CDH10: variants seen among roughly 807,000 people sequenced by gnomAD.
CDH10 encodes the protein cadherin 10, also known as cadherin-10.
Under a neutral mutation model 73.1 loss-of-function variants are expected in CDH10, and 30 were observed. That is an observed-to-expected ratio of 0.41 (90% confidence interval 0.31 to 0.56). CDH10 has a LOEUF of 0.56. Ranked by LOEUF, CDH10 falls within the 20% of genes least tolerant of loss-of-function variation. The pLI is 0.27. For missense variants in CDH10, 815 were observed against 973.7 expected, an observed-to-expected ratio of 0.84 and a Z score of 2.17; for synonymous variants, 345 against 348.2, an observed-to-expected ratio of 0.99 and a Z score of 0.10.
intron 9 of CDH10, among the ~76,000 whole-genome samples, chr5:24,497,662 CT>C (rs1325916599): frequency 1.3e-5 from 2 of 151,940 alleles, no homozygotes; most frequent in South Asian, 4.2e-4. Flanking sequence ...GTGATGGTTC[CT>C]TTTTTTAAAT....
At chr5:24,511,953 G>A (rs1392598379) in intron 5 of CDH10, among the ~76,000 whole-genome samples, 1 of 152,086 alleles carries the variant, frequency 6.6e-6, no homozygotes, top group Non-Finnish European at 1.5e-5. Flanking sequence ...TGGACACAAA[G>A]AGAGGAACAA....
intron 2 of CDH10, among the ~76,000 whole-genome samples, chr5:24,571,018 G>C (rs74502716): frequency 4.9e-4 from 74 of 152,172 alleles, no homozygotes; most frequent in Admixed American, 1.4e-3. Flanking sequence ...TCTGGATAAA[G>C]TAGAGGAATG....
At chr5:24,602,432 T>C (rs1043307325) in intron 1 of CDH10, among the ~76,000 whole-genome samples, 1 of 152,064 alleles carries the variant, frequency 6.6e-6, no homozygotes, top group Non-Finnish European at 1.5e-5. Flanking sequence ...TCAAGCAGAG[T>C]GCTGCTCAGC....
intron 1 of CDH10, among the ~76,000 whole-genome samples, chr5:24,630,066 G>A (rs1464366175): frequency 6.6e-6 from 1 of 152,078 alleles, no homozygotes; most frequent in Non-Finnish European, 1.5e-5. Flanking sequence ...GAGATACTAG[G>A]CTGTGAGTTG....
At chr5:24,583,080 G>A (rs949993420) in intron 2 of CDH10, among the ~76,000 whole-genome samples, 1 of 151,376 alleles carries the variant, frequency 6.6e-6, no homozygotes, top group East Asian at 1.9e-4. Flanking sequence ...AAAACTAAAC[G>A]TCCTTTAAAA....
At chr5:24,509,394 C>G (rs1742813541) in intron 7 of CDH10, among the ~76,000 whole-genome samples, 172 bp downstream of exon 7, 1 of 151,716 alleles carries the variant, frequency 6.6e-6, no homozygotes, top group Admixed American at 6.6e-5. Context: ...CACGTGCCAC[C>G]AAGACCGGCT....
chr5:24,590,897 C>T (rs1303411000), intron 2 of CDH10, among the ~76,000 whole-genome samples: 2 of 151,876 alleles, frequency 1.3e-5, no homozygotes, highest in African/African-American at 4.8e-5. Flanking sequence ...CTAAACCAAC[C>T]CAGAGGCATT....
chr5:24,620,424 C>G (rs997070247), intron 1 of CDH10, among the ~76,000 whole-genome samples: 1 of 151,922 alleles, frequency 6.6e-6, no homozygotes, highest in South Asian at 2.1e-4. Flanking sequence ...AATGAATCAG[C>G]CTTAATGATT....
chr5:24,635,774 T>G (rs143764729), intron 1 of CDH10, among the ~76,000 whole-genome samples: 2 of 151,918 alleles, frequency 1.3e-5, no homozygotes, highest in Non-Finnish European at 2.9e-5. Flanking sequence ...CCCTTTCCAA[T>G]TACAATCATA....
intron 5 of CDH10, among the ~76,000 whole-genome samples, chr5:24,534,296 C>T (rs998104438): frequency 6.6e-5 from 10 of 151,972 alleles, no homozygotes; most frequent in African/African-American, 2.2e-4. Context: ...AGGCTGTAGT[C>T]GAATATTTTT....
rs114404707 is a variant in CDH10, at chr5:24,499,782, A to G, written c.1394-1263T>C. Among the ~76,000 whole-genome samples, 372 of 152,094 alleles carry G rather than the reference A, an allele frequency of 2.4e-3. 1 individual carries two copies. Among genetic ancestry groups the G allele is most frequent in the African/African-American group, 8.6e-3 (358 of 41,494 alleles). On this transcript the variant is annotated intron_variant, in intron 8 of 11. Coordinates refer to ENST00000264463, the MANE Select transcript of CDH10 (RefSeq NM_006727.5). ...TTATTTAGCTTAGCTTTGAGTAACA[A>G]CCCTGTATTGGTTATAATTGCATTT...
At chr5:24,516,405 A>T (rs1743109592) in intron 5 of CDH10, among the ~76,000 whole-genome samples, 1 of 152,058 alleles carries the variant, frequency 6.6e-6, no homozygotes. Flanking sequence ...AAAAATGCCC[A>T]CTAATTTTAG....
At chr5:24,641,543 T>A (rs1215445672) in intron 1 of CDH10, among the ~76,000 whole-genome samples, 3 of 152,092 alleles carry the variant, frequency 2.0e-5, no homozygotes, top group Non-Finnish European at 2.9e-5. Context: ...TGTGAACTCA[T>A]TGGTCTGTGT....
intron 1 of CDH10, among the ~76,000 whole-genome samples, chr5:24,608,584 C>A (rs1262576755): frequency 1.3e-5 from 2 of 152,162 alleles, no homozygotes; most frequent in African/African-American, 2.4e-5. Context: ...AGCCACCGCA[C>A]CTGGCCTACA....
chr5:24,593,928 T>A (rs531646487), intron 1 of CDH10, among the ~76,000 whole-genome samples: 2 of 152,088 alleles, frequency 1.3e-5, no homozygotes, highest in Middle Eastern at 6.8e-3. Flanking sequence ...TAGTTCATTC[T>A]GCATGTCAAT....
intron 5 of CDH10, 52 bp from the exon 6 acceptor site, chr5:24,511,566 AG>A (rs1742911676): frequency 1.3e-6 from 1 of 793,384 alleles, no homozygotes; most frequent in South Asian, 1.8e-5. Context: ...AGAGAGAGAG[AG>A]AGAGAGAGAG....
intron 2 of CDH10, among the ~76,000 whole-genome samples, chr5:24,545,461 A>T (rs1470504836): frequency 6.6e-6 from 1 of 152,210 alleles, no homozygotes; most frequent in Admixed American, 6.5e-5. Flanking sequence ...CTTTTCACCA[A>T]GAAAGGCATA....
chr5:24,542,516 C>A (rs144731806), intron 2 of CDH10, among the ~76,000 whole-genome samples: 122 of 152,206 alleles, frequency 8.0e-4, no homozygotes, highest in African/African-American at 2.8e-3. Context: ...GAGCAATAGG[C>A]CCTACCATAT....
rs188954864 is a variant in CDH10 at position 24,570,751 on chromosome 5, T to C, written c.231+22509A>G. Among the ~76,000 whole-genome samples, 127 of 152,216 alleles carry C rather than the reference T, an allele frequency of 8.3e-4. 2 individuals carry two copies. The highest frequency in any genetic ancestry group is 4.2e-3 in the Admixed American group (64 of 15,276). On this transcript the variant is annotated intron_variant, in intron 2 of 11. Transcript: ENST00000264463. ...GTCTGTATGAAATATAAAGAAAATG[T>C]CTGCTTATGATAGTTTTGTACTTCA...
Sources: gnomAD v4.1 joint callset for allele counts (sites outside exome capture counted in the v4.1 genomes callset) on GRCh38, gnomAD v4.1.1 for gene constraint, MANE v1.5 for transcripts, NCBI Gene and HGNC (gene_info 2026-07-23, HGNC 2026-07-21) for gene names.